Variants in DGLUCY observed in about 807,000 individuals in gnomAD.
DGLUCY encodes the protein D-glutamate cyclase, mitochondrial.
In DGLUCY, 58 loss-of-function variants were observed where a neutral mutation model predicts 58.5. The ratio of observed to expected loss-of-function variants is 0.99; its 90% CI spans 0.80 to 1.23. The LOEUF (loss-of-function observed/expected upper bound fraction) is 1.23. Ranked by LOEUF, DGLUCY falls within the 50% of genes most tolerant of loss-of-function variation. DGLUCY has a pLI of 0.00. For missense variants in DGLUCY, 779 were observed against 784.7 expected (o/e 0.99, Z 0.09); for synonymous variants, 325 against 314.1 (o/e 1.03, Z -0.37).
chr14:91,109,046 A>G (rs2044649966), intron 1 of DGLUCY, among the ~76,000 whole-genome samples: 1 of 152,098 alleles, frequency 6.6e-6, no homozygotes, highest in Admixed American at 6.6e-5. Flanking sequence ...GCCTGTCTCT[A>G]AACCACCCCC....
chr14:91,141,677 C>A lies in DGLUCY; in HGVS notation c.-81-15962C>A, dbSNP rs1452179715. Among the ~76,000 whole-genome samples the A allele has an allele frequency of 2.0e-5, 3 of 151,436 alleles. No homozygotes were observed. In the East Asian group the frequency reaches 5.9e-4, roughly 30 times the overall value. On this transcript the variant is annotated intron_variant, in intron 1 of 13. Coordinates refer to ENST00000256324, the MANE Select transcript of DGLUCY (RefSeq NM_001102368.3). ...AGTGATTATCCTGCCTCAGCCTCAC[C>A]AGTAGCTGGGATTACAGGCATGCAC...
chr14:91,065,592 A>AT (rs1242841687), intron 1 of DGLUCY, among the ~76,000 whole-genome samples: 7 of 152,024 alleles, frequency 4.6e-5, no homozygotes, highest in Non-Finnish European at 2.9e-5. Flanking sequence ...GGACTTTGGG[A>AT]TTTTTTTTAA....
chr14:91,179,827 C>T (rs892106170), intron 7 of DGLUCY, among the ~76,000 whole-genome samples: 8 of 149,702 alleles, frequency 5.3e-5, no homozygotes, highest in Non-Finnish European at 1.0e-4. Flanking sequence ...CTTTGCTGAA[C>T]ACTTTCTTAA....
intron 1 of DGLUCY, among the ~76,000 whole-genome samples, chr14:91,078,721 A>G (rs758556347): frequency 6.6e-6 from 1 of 152,176 alleles, no homozygotes; most frequent in African/African-American, 2.4e-5. Flanking sequence ...TGGTCTTCAA[A>G]GTAATTCATT....
At chr14:91,099,483 C>T (rs913842195) in intron 1 of DGLUCY, among the ~76,000 whole-genome samples, 9 of 149,552 alleles carry the variant, frequency 6.0e-5, no homozygotes, top group African/African-American at 9.9e-5. Context: ...CAGTGAGCTG[C>T]GATCGCACCA....
intron 1 of DGLUCY, among the ~76,000 whole-genome samples, chr14:91,070,804 G>A (rs919625250): frequency 6.6e-6 from 1 of 152,150 alleles, no homozygotes; most frequent in African/African-American, 2.4e-5. Flanking sequence ...CAGAACAAAT[G>A]AAACAATAGA....
rs1355264825 is a variant in DGLUCY, at chr14:91,176,148, T to C, written c.730+92T>C. 2.8e-6 allele frequency: 4 copies of C among 1,446,302 alleles called. No homozygotes were observed. The African/African-American group carries it at 5.7e-5, about 21-fold the overall frequency. 89.6% of individuals were successfully genotyped at this position (1,446,302 alleles called of 1,614,324 possible). ...AAAGCATATTCTCGTAGTACAATGA[T>C]TTAAAAATAAAGCCATGAAACAAAA... On this transcript the variant is annotated intron_variant, in intron 7 of 13. Coordinates refer to ENST00000256324, the MANE Select transcript of DGLUCY (RefSeq NM_001102368.3).
chr14:91,102,210 T>A (rs114501078), intron 1 of DGLUCY, among the ~76,000 whole-genome samples: 4,157 of 152,202 alleles, frequency 0.027, 193 homozygotes, highest in African/African-American at 0.095. Context: ...TTTTAAAAAA[T>A]AAATCACCAG....
At chr14:91,140,585 C>A (rs190300956) in intron 1 of DGLUCY, among the ~76,000 whole-genome samples, 202 of 152,294 alleles carry the variant, frequency 1.3e-3, no homozygotes, top group African/African-American at 4.3e-3. Flanking sequence ...GTGGGAGAAT[C>A]TCTTGAACCT....
Position 91,074,118 on chromosome 14 carries a change from T to TACACACACACACACAC in DGLUCY, c.-82+13442_-82+13457dup, listed in dbSNP as rs3086753. 2.5e-3 allele frequency among the ~76,000 whole-genome samples: 178 copies of TACACACACACACACAC among 70,324 alleles called. 2 individuals are homozygous for TACACACACACACACAC. Among genetic ancestry groups the TACACACACACACACAC allele is most frequent in the Non-Finnish European group, 3.1e-3 (122 of 39,718 alleles). The allele number at this position is 70,324 out of a possible 152,430, so 46.1% of individuals were successfully genotyped here. A position where few individuals can be genotyped will look rare whatever the true frequency, so the allele number is the denominator to read the frequency against. On this transcript the variant is annotated intron_variant, in intron 1 of 4. Coordinates refer to the DGLUCY transcript ENST00000521334. ...CAAAAAAAAAAAATATATATATATA[T>TACACACACACACACAC]ACACACACACACACACACACACACA...
intron 1 of DGLUCY, among the ~76,000 whole-genome samples, chr14:91,155,922 C>T (rs2047592584): frequency 6.6e-6 from 1 of 152,118 alleles, no homozygotes; most frequent in Non-Finnish European, 1.5e-5. Context: ...GCCACTCCTG[C>T]TCAGGCCCCA....
At chr14:91,068,215 C>T (rs886650989) in intron 1 of DGLUCY, among the ~76,000 whole-genome samples, 1 of 152,174 alleles carries the variant, frequency 6.6e-6, no homozygotes, top group African/African-American at 2.4e-5. Context: ...ACCTTTCTAG[C>T]TTAGCAACCT....
In DGLUCY at chr14:91,141,552, A is replaced by ATT. The variant is rs1326949732; in HGVS notation, c.-81-16087_-81-16086insTT. On this transcript the variant is annotated intron_variant, in intron 1 of 13. Transcript: ENST00000256324. ...GATACAATGGATACTCAGAGAGGTT[A>ATT]ATTTTTTTTTTTTTTTTTGAAGCGG... Among the ~76,000 whole-genome samples the ATT allele has an allele frequency of 3.3e-5, 3 of 90,662 alleles. No homozygotes were observed. The East Asian group carries it at 1.9e-3, about 58-fold the overall frequency. 59.5% of individuals were successfully genotyped at this position (90,662 alleles called of 152,430 possible). A position where few individuals can be genotyped will look rare whatever the true frequency, so the allele number is the denominator to read the frequency against.
rs1208475609 is a variant in DGLUCY at position 91,062,584 on chromosome 14, TATATATATATATATATATATATATATA to T, written c.-82+1882_-82+1908del. Reference sequence around the variant, plus strand: ...ATATATATATATATATATATATATATATATATATATATATATATATATATATAAACAATCCTTAGCTCAAGGGCAGTT... The same window carrying T: ...ATATATATATATATATATATATATATAACAATCCTTAGCTCAAGGGCAGTT... On this transcript the variant is annotated intron_variant, in intron 1 of 4. Transcript: ENST00000521334. Among the ~76,000 whole-genome samples, 27 of 20,334 alleles carry T rather than the reference TATATATATATATATATATATATATATA, an allele frequency of 1.3e-3. 3 individuals are homozygous for T. The highest frequency in any genetic ancestry group is 6.6e-3 in the South Asian group (4 of 610). 13.3% of individuals were successfully genotyped at this position (20,334 alleles called of 152,430 possible). A position where few individuals can be genotyped will look rare whatever the true frequency, so the allele number is the denominator to read the frequency against.
At chr14:91,169,514 A>G (rs1422809548) in intron 4 of DGLUCY, among the ~76,000 whole-genome samples, 1 of 151,326 alleles carries the variant, frequency 6.6e-6, no homozygotes, top group African/African-American at 2.4e-5. Context: ...GGTTCAAGCG[A>G]TTCTCCTGCT....
upstream of DGLUCY, among the ~76,000 whole-genome samples, chr14:91,112,078 T>TA (rs577578257): frequency 2.6e-3 from 360 of 138,000 alleles, 1 homozygote; most frequent in African/African-American, 6.9e-3. Context: ...TCTCTACTAC[T>TA]AAAAAAAAAA....
chr14:91,060,703 A>T, exon 1 of DGLUCY: 1 of 345,728 alleles, frequency 2.9e-6, no homozygotes, highest in Non-Finnish European at 5.1e-6. Flanking sequence ...ACAGCCAGCA[A>T]GGTAAGGGAG....
chr14:91,081,027 C>A (rs1169501928), intron 1 of DGLUCY, among the ~76,000 whole-genome samples: 1 of 152,134 alleles, frequency 6.6e-6, no homozygotes, highest in African/African-American at 2.4e-5. Context: ...CGTGACGAAA[C>A]CCTGTCTCTA....
chr14:91,207,161 G>GA (rs56355078), intron 12 of DGLUCY, among the ~76,000 whole-genome samples: 43 of 85,336 alleles, frequency 5.0e-4, no homozygotes, highest in Non-Finnish European at 6.8e-4. Context: ...ACTGTCTCAG[G>GA]AAAAAAAAAA....
Sources: gnomAD v4.1 joint callset for allele counts (sites outside exome capture counted in the v4.1 genomes callset) on GRCh38, gnomAD v4.1.1 for gene constraint, MANE v1.5 for transcripts, NCBI Gene and HGNC (gene_info 2026-07-23, HGNC 2026-07-21) for gene names.